The following RYR2 variants were observed in gnomAD, a reference collection of about 807,000 sequenced individuals.
The protein encoded by RYR2 is cardiac muscle ryanodine receptor-calcium release channel.
RYR2 carries 227 observed loss-of-function variants against 601.1 expected under a neutral mutation model. That is an observed-to-expected ratio of 0.38 (90% CI 0.34 to 0.42). The LOEUF (loss-of-function observed/expected upper bound fraction) is 0.42, where lower values mean the gene tolerates loss of function less well. RYR2 is among the 10% of genes least tolerant of loss of function. The pLI is 1.00. For missense variants in RYR2, 4,646 were observed against 6,156.5 expected (o/e 0.75, Z 8.21); for synonymous variants, 2,223 against 2,175.1 (o/e 1.02, Z -0.61).
intron 58 of RYR2, among the ~76,000 whole-genome samples, chr1:237,672,602 G>A (rs1163320918): frequency 6.6e-6 from 1 of 151,944 alleles, no homozygotes; most frequent in Non-Finnish European, 1.5e-5. Flanking sequence ...CTTTGTGTTG[G>A]GAGCATTCAA....
At chr1:237,318,057 G>A (rs528478660) in intron 2 of RYR2, among the ~76,000 whole-genome samples, 1 of 152,174 alleles carries the variant, frequency 6.6e-6, no homozygotes, top group East Asian at 1.9e-4. Context: ...GTGCAGAATA[G>A]TGTGCCATTT....
At chr1:237,568,980 A>T (rs1672377663) in intron 28 of RYR2, among the ~76,000 whole-genome samples, 165 bp from the exon 29 acceptor site, 1 of 152,160 alleles carries the variant, frequency 6.6e-6, no homozygotes, top group Non-Finnish European at 1.5e-5. Context: ...ATTCCCAGAC[A>T]GCTCCATTTT....
intron 1 of RYR2, among the ~76,000 whole-genome samples, chr1:237,225,423 A>G (rs1225051328): frequency 6.6e-6 from 1 of 152,200 alleles, no homozygotes; most frequent in African/African-American, 2.4e-5. Flanking sequence ...GGCGGCAGAC[A>G]AGAGAGAATG....
intron 76 of RYR2, among the ~76,000 whole-genome samples, chr1:237,729,076 C>T (rs2149153061): frequency 6.6e-6 from 1 of 152,238 alleles, no homozygotes; most frequent in East Asian, 1.9e-4. Context: ...TCCTTCCCTC[C>T]ATCACCACCT....
At chr1:237,253,163 C>CAAA (rs33931680) in intron 1 of RYR2, among the ~76,000 whole-genome samples, 6 of 109,568 alleles carry the variant, frequency 5.5e-5, no homozygotes, top group African/African-American at 1.7e-4. Flanking sequence ...GACTCCGTCT[C>CAAA]AAAAAAAAAA....
chr1:237,516,043 T>TTCC (rs996258841), intron 24 of RYR2, among the ~76,000 whole-genome samples: 1 of 149,466 alleles, frequency 6.7e-6, no homozygotes, highest in Admixed American at 6.7e-5. Flanking sequence ...TTTCTGTCTC[T>TTCC]TCCTCCTCCT....
chr1:237,713,579 A>G (rs754379671), intron 71 of RYR2, among the ~76,000 whole-genome samples: 33 of 152,152 alleles, frequency 2.2e-4, no homozygotes, highest in Middle Eastern at 6.8e-3. Context: ...TCGTATTTTT[A>G]GTAGAGACAG....
At chr1:237,571,351 G>A (rs1393140363) in intron 29 of RYR2, among the ~76,000 whole-genome samples, 3 of 118,548 alleles carry the variant, frequency 2.5e-5, no homozygotes, top group Non-Finnish European at 1.7e-5. Flanking sequence ...TTTCACTCTT[G>A]TTGCCCAGGC....
intron 1 of RYR2, among the ~76,000 whole-genome samples, chr1:237,079,723 A>G (rs1665388909): frequency 7.1e-6 from 1 of 141,314 alleles, no homozygotes; most frequent in African/African-American, 3.1e-5. Flanking sequence ...TTACAGATTC[A>G]ATGCCATCCC....
intron 1 of RYR2, among the ~76,000 whole-genome samples, chr1:237,154,343 C>T (rs542711152): frequency 3.3e-5 from 5 of 152,226 alleles, no homozygotes; most frequent in South Asian, 2.1e-4. Context: ...AGCTGTGAGC[C>T]GAGTGCTTTG....
intron 10 of RYR2, among the ~76,000 whole-genome samples, chr1:237,400,037 T>TACAC (rs55730903): frequency 0.31 from 45,457 of 149,036 alleles, 7,297 homozygotes; most frequent in East Asian, 0.43. Flanking sequence ...GTTTAGAACT[T>TACAC]ACACACACAC....
chr1:237,073,931 T>C (rs1020844857), intron 1 of RYR2, among the ~76,000 whole-genome samples: 4 of 151,510 alleles, frequency 2.6e-5, no homozygotes, highest in Non-Finnish European at 4.4e-5. Context: ...TTTGGACATA[T>C]TAGATTATAC....
chr1:237,060,423 T>C (rs1231601803), intron 1 of RYR2, among the ~76,000 whole-genome samples: 2 of 152,206 alleles, frequency 1.3e-5, no homozygotes, highest in Non-Finnish European at 2.9e-5. Flanking sequence ...AAGTGTAATA[T>C]ATTAACATAC....
chr1:237,745,471 A>T (rs1691993452), intron 80 of RYR2, among the ~76,000 whole-genome samples: 1 of 152,162 alleles, frequency 6.6e-6, no homozygotes, highest in African/African-American at 2.4e-5. Flanking sequence ...TAGTTGTATG[A>T]TGGGGCTGGA....
intron 16 of RYR2, among the ~76,000 whole-genome samples, chr1:237,465,053 A>T (rs1416882356): frequency 6.6e-6 from 1 of 151,344 alleles, no homozygotes; most frequent in Non-Finnish European, 1.5e-5. Flanking sequence ...TGTAAAATGT[A>T]TTGGTACCCA....
At chr1:237,300,747 A>G (rs932946610) in intron 2 of RYR2, among the ~76,000 whole-genome samples, 9 of 152,124 alleles carry the variant, frequency 5.9e-5, no homozygotes, top group African/African-American at 1.7e-4. Flanking sequence ...TGGTGCTTCA[A>G]AGCATACCGG....
At chr1:237,308,168 A>G (rs1694086262) in intron 2 of RYR2, among the ~76,000 whole-genome samples, 1 of 152,242 alleles carries the variant, frequency 6.6e-6, no homozygotes, top group South Asian at 2.1e-4. Context: ...AGATATCCTG[A>G]TATCTAGAGA....
At chr1:237,681,964 T>G (rs960703173) in intron 62 of RYR2, among the ~76,000 whole-genome samples, 6 of 152,212 alleles carry the variant, frequency 3.9e-5, no homozygotes, top group African/African-American at 1.4e-4. Flanking sequence ...TCAGAGGGTG[T>G]TGTTAATCTA....
chr1:237,578,577 A>G (rs1410853007), intron 29 of RYR2, among the ~76,000 whole-genome samples: 2 of 152,224 alleles, frequency 1.3e-5, no homozygotes, highest in Non-Finnish European at 1.5e-5. Context: ...AATTTCTTTC[A>G]AAAGATTTCT....
Sources: gnomAD v4.1 joint callset for allele counts (sites outside exome capture counted in the v4.1 genomes callset) on GRCh38, gnomAD v4.1.1 for gene constraint, MANE v1.5 for transcripts, NCBI Gene and HGNC (gene_info 2026-07-23, HGNC 2026-07-21) for gene names.